FOXRED1: variants seen among roughly 807,000 people sequenced by gnomAD.
FOXRED1 encodes the protein FAD dependent oxidoreductase domain containing 1.
Under a neutral mutation model 57.8 loss-of-function variants are expected in FOXRED1, and 52 were observed. That is an observed-to-expected ratio of 0.90 (90% confidence interval 0.72 to 1.13). The LOEUF (loss-of-function observed/expected upper bound fraction) is 1.13, where lower values mean the gene tolerates loss of function less well. Ranked by LOEUF, FOXRED1 falls within the 50% of genes most tolerant of loss-of-function variation. FOXRED1 has a pLI of 0.00. For synonymous variants in FOXRED1, 271 were observed against 248.3 expected (o/e 1.09, Z -0.86); for missense variants, 589 against 625.2 (o/e 0.94, Z 0.62).
rs138117426 is a variant in FOXRED1 at position 126,271,254 on chromosome 11, G to A, written c.86-183G>A. On this transcript the variant is annotated intron_variant, in intron 1 of 10. Transcript: ENST00000263578. The surrounding 1 kb of genome is among the most constrained non-coding windows in gnomAD (Gnocchi z 5.3). Reference sequence around the variant, plus strand: ...CAATGCATGAAGAGACTGATGGCATGTGGACTATTCAGAAAACTGTGGCAA... The same window carrying A: ...CAATGCATGAAGAGACTGATGGCATATGGACTATTCAGAAAACTGTGGCAA... 553 of 652,348 alleles carry A rather than the reference G, an allele frequency of 8.5e-4. 2 individuals carry two copies. The African/African-American group carries it at 9.2e-3, about 11-fold the overall frequency. The allele number at this position is 652,348 out of a possible 1,614,324, so 40.4% of individuals were successfully genotyped here. A position where few individuals can be genotyped will look rare whatever the true frequency, so the allele number is the denominator to read the frequency against.
chr11:126,271,767 G>A lies in FOXRED1; in HGVS notation c.306+110G>A. Reference sequence around the variant, plus strand: ...AGGAGGGGAAGACCTCAATCTCGGAGGGTCCAACGGACAGAGATTGTGCTT... The same window carrying A: ...AGGAGGGGAAGACCTCAATCTCGGAAGGTCCAACGGACAGAGATTGTGCTT... On this transcript the variant is annotated intron_variant, in intron 2 of 10. Transcript: ENST00000263578. The surrounding 1 kb of genome is among the most constrained non-coding windows in gnomAD (Gnocchi z 5.3). The A allele has an allele frequency of 1.1e-6, 1 of 877,902 alleles. No individual in the cohort carries two copies. Among genetic ancestry groups the A allele is most frequent in the Non-Finnish European group, 1.9e-6 (1 of 537,904 alleles). The allele number at this position is 877,902 out of a possible 1,614,324, so 54.4% of individuals were successfully genotyped here. A position where few individuals can be genotyped will look rare whatever the true frequency, so the allele number is the denominator to read the frequency against.
chr11:126,275,544 G>T lies in FOXRED1; in HGVS notation c.733+116G>T, dbSNP rs778834517. ...GGGAAAGGGGTCTCCCTGAGAGCAGGTCCTAGGCATCTTGACCTGGGCTCC... is the reference window on the plus strand; with the variant it reads ...GGGAAAGGGGTCTCCCTGAGAGCAGTTCCTAGGCATCTTGACCTGGGCTCC... On this transcript the variant is annotated intron_variant, in intron 6 of 10. Transcript: ENST00000263578. This position sits in a 1 kb window ranked among gnomAD's most constrained non-coding sequence, Gnocchi z 5.9. The T allele has an allele frequency of 6.2e-6, 5 of 812,310 alleles. No individual in the cohort carries two copies. Among genetic ancestry groups the T allele is most frequent in the Non-Finnish European group, 1.1e-5 (5 of 468,138 alleles). 50.3% of individuals were successfully genotyped at this position (812,310 alleles called of 1,614,324 possible).
chr11:126,273,800 A>G lies in FOXRED1; in HGVS notation c.536+346A>G, dbSNP rs760435582. 5 of 353,930 alleles carry G rather than the reference A, an allele frequency of 1.4e-5. No homozygotes were observed. The highest frequency in any genetic ancestry group is 1.6e-5 in the Non-Finnish European group (3 of 182,696). 21.9% of individuals were successfully genotyped at this position (353,930 alleles called of 1,614,324 possible). The stretch of plus-strand genomic sequence containing the variant: ...TAGCAAACTTTTTCTGTAAAGGGCC[A>G]GATAGTATATATTTTAGGTTTTGCT... On this transcript the variant is annotated intron_variant, in intron 4 of 10. Transcript: ENST00000263578. This position sits in a 1 kb window ranked among gnomAD's most constrained non-coding sequence, Gnocchi z 5.9.
rs1187433075 is a variant in FOXRED1 at position 126,274,718 on chromosome 11, G to A, written c.537-209G>A. 3.2e-6 allele frequency: 2 copies of A among 617,606 alleles called. No homozygotes were observed. The highest frequency in any genetic ancestry group is 3.0e-5 in the East Asian group (1 of 33,786). The allele number at this position is 617,606 out of a possible 1,614,324, so 38.3% of individuals were successfully genotyped here. A position where few individuals can be genotyped will look rare whatever the true frequency, so the allele number is the denominator to read the frequency against. On this transcript the variant is annotated intron_variant, in intron 4 of 10. Coordinates refer to ENST00000263578, the MANE Select transcript of FOXRED1 (RefSeq NM_017547.4). This position sits in a 1 kb window ranked among gnomAD's most constrained non-coding sequence, Gnocchi z 4.8. ...CTGTGTGCTGAAGGGAGACAAGGGA[G>A]TAGGGAAGGAAAGGCAGTCAAGGCT...
chr11:126,274,861 C>T lies in FOXRED1; in HGVS notation c.537-66C>T. 2.2e-6 allele frequency: 2 copies of T among 925,132 alleles called. No individual in the cohort carries two copies. The highest frequency in any genetic ancestry group is 2.4e-5 in the East Asian group (1 of 41,802). The allele number at this position is 925,132 out of a possible 1,614,324, so 57.3% of individuals were successfully genotyped here. On this transcript the variant is annotated intron_variant, in intron 4 of 10. Coordinates refer to ENST00000263578, the MANE Select transcript of FOXRED1 (RefSeq NM_017547.4). The surrounding 1 kb of genome is among the most constrained non-coding windows in gnomAD (Gnocchi z 4.8). ...ACTCCCCACTTGTGGAGTTGGGGTC[C>T]ATACATCATCCCCCTGCACACTCCC...
chr11:126,273,368 G>A lies in FOXRED1; in HGVS notation c.450G>A (p.Leu150=), dbSNP rs780939514. Residue 150 remains leucine, a synonymous_variant, in exon 4 of 11, where the codon CTG becomes CTA. Coordinates refer to ENST00000263578, the MANE Select transcript of FOXRED1 (RefSeq NM_017547.4). The surrounding 1 kb of genome is among the most constrained non-coding windows in gnomAD (Gnocchi z 5.9). ...TGGCCGTAGTCGATGCTCCTCCCCTGGACCTCCGGTTCAACCCCTCGGGCT... is the reference window on the plus strand; with the variant it reads ...TGGCCGTAGTCGATGCTCCTCCCCTAGACCTCCGGTTCAACCCCTCGGGCT... ...EYLAVVDAPP[L]DLRFNPSGYL... 6 of 1,613,854 alleles carry A rather than the reference G, an allele frequency of 3.7e-6. No individual in the cohort carries two copies. The highest frequency in any genetic ancestry group is 1.1e-5 in the South Asian group (1 of 91,082).
rs61898853 is a variant in FOXRED1 at position 126,273,635 on chromosome 11, T to C, written c.536+181T>C. 7.7e-5 allele frequency: 50 copies of C among 649,916 alleles called. No homozygotes were observed. Among genetic ancestry groups the C allele is most frequent in the Non-Finnish European group, 1.1e-4 (40 of 354,688 alleles). 40.3% of individuals were successfully genotyped at this position (649,916 alleles called of 1,614,324 possible). ...CCCTGGGAGTGCTGTACCACAGATA[T>C]GGACAAAACACTGCGAGGTGCTTCC... On this transcript the variant is annotated intron_variant, in intron 4 of 10. Coordinates refer to ENST00000263578, the MANE Select transcript of FOXRED1 (RefSeq NM_017547.4). The surrounding 1 kb of genome is among the most constrained non-coding windows in gnomAD (Gnocchi z 5.9).
Position 126,275,388 on chromosome 11 carries a change from C to G in FOXRED1, c.693C>G (p.Val231=). The part of the protein sequence containing the change: ...WCLLQGLRRK[V]QSLGVLFCQG... ...TGCTCCAGGGGCTTCGGCGAAAGGT[C>G]CAGTCCTTGGGAGTCCTTTTCTGCC... The change falls in exon 6 of 11, where the codon GTC becomes GTG. Residue 231 remains valine, a synonymous_variant. Transcript: ENST00000263578. This position sits in a 1 kb window ranked among gnomAD's most constrained non-coding sequence, Gnocchi z 5.9. The G allele has an allele frequency of 1.2e-6, 2 of 1,613,904 alleles. No homozygotes were observed. Among genetic ancestry groups the G allele is most frequent in the Non-Finnish European group, 1.7e-6 (2 of 1,179,840 alleles).
intron 8 of FOXRED1, 83 bp downstream of exon 8, chr11:126,276,302 T>TGTGTGTGTGG: frequency 2.2e-4 from 1 of 4,512 alleles, no homozygotes; most frequent in Non-Finnish European, 4.2e-4. Flanking sequence ...TGTGTGTGTG[T>TGTGTGTGTGG]GTGTGTGTGT....
chr11:126,276,002 C>T, intron 7 of FOXRED1, 57 bp from the exon 8 acceptor site: 1 of 1,606,716 alleles, frequency 6.2e-7, no homozygotes. Context: ...GTGCATCTCT[C>T]AGGGTGCCTG....
chr11:126,270,814 A>C (rs960610228), intron 1 of FOXRED1: 4 of 158,058 alleles, frequency 2.5e-5, no homozygotes, highest in African/African-American at 9.6e-5. Flanking sequence ...ACATGTTCAC[A>C]GCAGGGGGTA....
intron 8 of FOXRED1, 23 bp from the exon 9 acceptor site, chr11:126,276,371 C>T (rs764634373): frequency 1.4e-5 from 15 of 1,040,918 alleles, no homozygotes; most frequent in Middle Eastern, 2.7e-4. Flanking sequence ...TTCTGCAGTT[C>T]GTAACCGCAC....
At position 126,274,555 on chromosome 11, in the gene FOXRED1, G is replaced by A. The variant is rs1474744334; in HGVS notation, c.537-372G>A. The A allele has an allele frequency of 3.2e-6, 1 of 316,562 alleles. No individual in the cohort carries two copies. Among genetic ancestry groups the A allele is most frequent in the Non-Finnish European group, 6.2e-6 (1 of 160,748 alleles). 19.6% of individuals were successfully genotyped at this position (316,562 alleles called of 1,614,324 possible). ...CCCAGCTACTCCAGAGGCTGAAGCA[G>A]GAGAATCGCTTGAACCCGGGAGGAG... On this transcript the variant is annotated intron_variant, in intron 4 of 10. Coordinates refer to ENST00000263578, the MANE Select transcript of FOXRED1 (RefSeq NM_017547.4). This position sits in a 1 kb window ranked among gnomAD's most constrained non-coding sequence, Gnocchi z 4.8.
chr11:126,277,830 C>G lies in FOXRED1; in HGVS notation c.*141C>G. The G allele has an allele frequency of 1.1e-6, 1 of 919,756 alleles. No homozygotes were observed. Among genetic ancestry groups the G allele is most frequent in the Non-Finnish European group, 1.8e-6 (1 of 570,612 alleles). The allele number at this position is 919,756 out of a possible 1,614,324, so 57.0% of individuals were successfully genotyped here. ...CTCTCCTCTCAGGCAGGCCATTGCA[C>G]CCATATGGCTGGGCAGGCACAGGCA... On this transcript the variant is annotated 3_prime_UTR_variant, in exon 11 of 11. Coordinates refer to ENST00000263578, the MANE Select transcript of FOXRED1 (RefSeq NM_017547.4). The surrounding 1 kb of genome is among the most constrained non-coding windows in gnomAD (Gnocchi z 6.8).
chr11:126,277,738 C>T lies in FOXRED1; in HGVS notation c.*49C>T. On this transcript the variant is annotated 3_prime_UTR_variant, in exon 11 of 11. Transcript: ENST00000263578. This position sits in a 1 kb window ranked among gnomAD's most constrained non-coding sequence, Gnocchi z 6.8. Reference sequence around the variant, plus strand: ...CACTGGCTTGCATCCTGGCTGTGTTCACAGCCTTGTTTGCTGCTTCCATCT... The same window carrying T: ...CACTGGCTTGCATCCTGGCTGTGTTTACAGCCTTGTTTGCTGCTTCCATCT... 1 of 1,601,464 alleles carries T rather than the reference C, an allele frequency of 6.2e-7. No homozygotes were observed. The highest frequency in any genetic ancestry group is 8.5e-7 in the Non-Finnish European group (1 of 1,169,832).
In FOXRED1 at chr11:126,269,201, G is replaced by A. The variant is rs1453378553; in HGVS notation, c.-6G>A. On this transcript the variant is annotated 5_prime_UTR_variant, in exon 1 of 11. Transcript: ENST00000263578. ...AGCTTTCAGAGGGTCCGGGCTCAGA[G>A]GGGTTATGATTCGGAGGGTTCTGCC... 3.1e-6 allele frequency: 5 copies of A among 1,609,992 alleles called. No homozygotes were observed. The highest frequency in any genetic ancestry group is 4.2e-6 in the Non-Finnish European group (5 of 1,176,716).
At position 126,273,203 on chromosome 11, in the gene FOXRED1, C is replaced by T; in HGVS notation, c.417+124C>T. 1 of 948,812 alleles carries T rather than the reference C, an allele frequency of 1.1e-6. No homozygotes were observed. Among genetic ancestry groups the T allele is most frequent in the Non-Finnish European group, 1.7e-6 (1 of 573,818 alleles). The allele number at this position is 948,812 out of a possible 1,614,324, so 58.8% of individuals were successfully genotyped here. ...GGTCAGCCAACTAGGAGAGGGGGGC[C>T]CTGGCCTTCTTCCTAGTGGTGGTGC... On this transcript the variant is annotated intron_variant, in intron 3 of 10. Transcript: ENST00000263578. The surrounding 1 kb of genome is among the most constrained non-coding windows in gnomAD (Gnocchi z 5.9).
Position 126,277,711 on chromosome 11 carries a change from T to C in FOXRED1, c.*22T>C. ...CTGAGCATGTGTGCTCTGCACTGGC[T>C]CCACTGGCTTGCATCCTGGCTGTGT... On this transcript the variant is annotated 3_prime_UTR_variant, in exon 11 of 11. Transcript: ENST00000263578. This position sits in a 1 kb window ranked among gnomAD's most constrained non-coding sequence, Gnocchi z 6.8. The C allele has an allele frequency of 6.2e-7, 1 of 1,612,590 alleles. No homozygotes were observed. Among genetic ancestry groups the C allele is most frequent in the South Asian group, 1.1e-5 (1 of 91,074 alleles).
At position 126,269,298 on chromosome 11, in the gene FOXRED1, T is replaced by G; in HGVS notation, c.85+7T>G. 1 of 1,614,150 alleles carries G rather than the reference T, an allele frequency of 6.2e-7. No homozygotes were observed. ...AGAGGAGGCTTTTCTCTGGGTAAAG[T>G]TGAGGACGACAGAGGGTATTGTGGT... is the stretch of plus-strand genomic sequence containing the variant. On this transcript the variant is annotated splice_region_variant and intron_variant, in intron 1 of 10. Transcript: ENST00000263578.
Sources: gnomAD v4.1 joint callset for allele counts on GRCh38, gnomAD v4.1.1 for gene constraint, Gnocchi (gnomAD v3.1) non-coding constraint, MANE v1.5 for transcripts, NCBI Gene and HGNC (gene_info 2026-07-23, HGNC 2026-07-21) for gene names.